Variants in MMP26 observed in about 807,000 individuals in gnomAD.
The protein encoded by MMP26 is matrix metalloproteinase-26.
In MMP26, 33 loss-of-function variants were observed where a neutral mutation model predicts 31.0. That is an observed-to-expected ratio of 1.06 (90% CI 0.81 to 1.42). The LOEUF (loss-of-function observed/expected upper bound fraction) is 1.42, where lower values mean the gene tolerates loss of function less well. MMP26 is among the 40% of genes most tolerant of loss of function. The pLI, the probability that MMP26 is intolerant of heterozygous loss-of-function variation, is 0.00. For missense variants in MMP26, 347 were observed against 316.1 expected (o/e 1.10, Z -0.74); for synonymous variants, 122 against 114.9 (o/e 1.06, Z -0.40).
In MMP26 at chr11:4,829,555, TTCTGAACGTGAGGG is replaced by T. The variant is rs562665830; in HGVS notation, c.-145+62220_-145+62233del. On this transcript the variant is annotated intron_variant, in intron 2 of 7. Transcript: ENST00000380390. ...AAGTTACTGGGCTGAACAATTTCCC[TTCTGAACGTGAGGG>T]TCTGAGATATTAAGCATGCTGTGAC... is the stretch of plus-strand genomic sequence containing the variant. 3.6e-3 allele frequency among the ~76,000 whole-genome samples: 548 copies of T among 152,328 alleles called. 3 individuals carry two copies. Among genetic ancestry groups the T allele is most frequent in the African/African-American group, 0.011 (438 of 41,578 alleles).
intron 2 of MMP26, among the ~76,000 whole-genome samples, chr11:4,917,097 C>T (rs370390800): frequency 1.3e-5 from 2 of 152,256 alleles, no homozygotes; most frequent in African/African-American, 4.8e-5. Flanking sequence ...CTTTGTTTAC[C>T]TCTATTAATC....
chr11:4,769,814 C>T, intron 2 of MMP26: 1 of 1,613,024 alleles, frequency 6.2e-7, no homozygotes, highest in Non-Finnish European at 8.5e-7. Context: ...GGCATAAAAA[C>T]AACAGAAAGG....
At chr11:4,907,101 A>AAAAAAAAAAAAAAAC (rs1850905237) in intron 2 of MMP26, among the ~76,000 whole-genome samples, 1 of 147,358 alleles carries the variant, frequency 6.8e-6, no homozygotes. Flanking sequence ...CCTCTAAAAA[A>AAAAAAAAAAAAAAAC]AAAAAAAAAA....
At chr11:4,759,134 A>AG in intron 1 of MMP26, among the ~76,000 whole-genome samples, 1 of 151,100 alleles carries the variant, frequency 6.6e-6, no homozygotes, top group Non-Finnish European at 1.5e-5. Context: ...AAAAAAAAAA[A>AG]AGACAAAAAA....
At chr11:4,937,241 A>G (rs1274983747) in intron 2 of MMP26, 1 of 152,170 alleles carries the variant, frequency 6.6e-6, no homozygotes, top group African/African-American at 2.4e-5. Flanking sequence ...TGTGAACTCC[A>G]TCTGACTATA....
chr11:4,718,003 G>A (rs777870409), intron 1 of MMP26, among the ~76,000 whole-genome samples: 16 of 152,218 alleles, frequency 1.1e-4, no homozygotes, highest in South Asian at 4.1e-4. Context: ...ACTCACACTC[G>A]CTATGTGGTA....
chr11:4,890,990 A>G (rs1476115624), intron 2 of MMP26, among the ~76,000 whole-genome samples: 2 of 145,432 alleles, frequency 1.4e-5, no homozygotes, highest in African/African-American at 5.1e-5. Context: ...AATAATAATA[A>G]TAATAATAAT....
intron 1 of MMP26, among the ~76,000 whole-genome samples, chr11:4,747,731 A>G (rs1358734967): frequency 6.6e-6 from 1 of 152,128 alleles, no homozygotes; most frequent in African/African-American, 2.4e-5. Flanking sequence ...AACTGAGACC[A>G]AAAGTGAAGA....
intron 1 of MMP26, among the ~76,000 whole-genome samples, chr11:4,762,777 T>C (rs778849440): frequency 6.6e-6 from 1 of 152,182 alleles, no homozygotes; most frequent in Non-Finnish European, 1.5e-5. Context: ...AGGCAAATAG[T>C]TCATGTATTT....
At chr11:4,806,139 C>T (rs1849266260) in intron 2 of MMP26, among the ~76,000 whole-genome samples, 1 of 152,078 alleles carries the variant, frequency 6.6e-6, no homozygotes, top group East Asian at 1.9e-4. Context: ...GCTTTAATTC[C>T]AACTATGTGG....
intron 2 of MMP26, chr11:4,860,480 A>G (rs559397024): frequency 3.8e-5 from 18 of 471,096 alleles, no homozygotes; most frequent in African/African-American, 3.0e-4. Context: ...GGAAAGGCCA[A>G]CCATGGGTTC....
intron 2 of MMP26, among the ~76,000 whole-genome samples, chr11:4,911,606 C>G (rs371592737): frequency 6.6e-6 from 1 of 152,278 alleles, no homozygotes; most frequent in East Asian, 1.9e-4. Context: ...TACTTCAGGA[C>G]TGCTATACTT....
chr11:4,771,462 G>A (rs896278928), intron 2 of MMP26, among the ~76,000 whole-genome samples: 12 of 152,162 alleles, frequency 7.9e-5, no homozygotes, highest in African/African-American at 2.4e-4. Context: ...TACAGTAGAC[G>A]TTTTCAGGAG....
At chr11:4,707,931 C>T (rs1308984413) in intron 1 of MMP26, among the ~76,000 whole-genome samples, 1 of 152,162 alleles carries the variant, frequency 6.6e-6, no homozygotes, top group African/African-American at 2.4e-5. Flanking sequence ...TCCTCAGTTT[C>T]ATTAGAGGAC....
chr11:4,832,958 G>C (rs1849666625), intron 2 of MMP26: 1 of 160,328 alleles, frequency 6.2e-6, no homozygotes, highest in Non-Finnish European at 1.4e-5. Flanking sequence ...CTATGATTCT[G>C]ATAGCAGATG....
intron 2 of MMP26, among the ~76,000 whole-genome samples, chr11:4,782,132 G>A (rs1478985274): frequency 6.6e-6 from 1 of 152,210 alleles, no homozygotes; most frequent in Non-Finnish European, 1.5e-5. Flanking sequence ...AAGTGACTTT[G>A]GAACTGGGTA....
At chr11:4,798,713 A>C (rs1391637952) in intron 2 of MMP26, among the ~76,000 whole-genome samples, 1 of 152,192 alleles carries the variant, frequency 6.6e-6, no homozygotes, top group African/African-American at 2.4e-5. Context: ...ATACTGTGGG[A>C]GCACAGAGAT....
intron 2 of MMP26, among the ~76,000 whole-genome samples, chr11:4,854,735 T>C (rs1405367331): frequency 6.6e-6 from 1 of 152,194 alleles, no homozygotes; most frequent in African/African-American, 2.4e-5. Flanking sequence ...AGCAAGGAGT[T>C]TGAGATCTGA....
intron 2 of MMP26, chr11:4,848,074 T>A (rs929830260): frequency 1.5e-6 from 1 of 688,294 alleles, no homozygotes; most frequent in Non-Finnish European, 2.4e-6. Flanking sequence ...GGCTTGTAAG[T>A]TTGCATCAAT....
Sources: allele counts gnomAD v4.1 joint callset (sites outside exome capture counted in the v4.1 genomes callset), GRCh38; gene constraint gnomAD v4.1.1; transcripts MANE v1.5; gene names NCBI Gene and HGNC (gene_info 2026-07-23, HGNC 2026-07-21).